Variants in TANGO6 observed in about 807,000 individuals in gnomAD.
The protein encoded by TANGO6 is transport and Golgi organization protein 6 homolog.
TANGO6 carries 90 observed loss-of-function variants against 114.2 expected under a neutral mutation model. That is an observed-to-expected ratio of 0.79 (90% CI 0.66 to 0.94). TANGO6 has a LOEUF of 0.94. Among genes scored for constraint, TANGO6 ranks in the 40% least tolerant of loss-of-function variants. TANGO6 has a pLI of 0.00. For missense variants in TANGO6, 1,274 were observed against 1,315.3 expected, an observed-to-expected ratio of 0.97 and a Z score of 0.49; for synonymous variants, 477 against 509.8, an observed-to-expected ratio of 0.94 and a Z score of 0.87.
chr16:69,017,029 G>A (rs190900667), intron 15 of TANGO6, among the ~76,000 whole-genome samples: 11 of 152,274 alleles, frequency 7.2e-5, no homozygotes, highest in Admixed American at 7.2e-4. Flanking sequence ...ATCCTGTGTG[G>A]AAGTAAACGA....
chr16:69,061,346 C>G (rs550910714), intron 17 of TANGO6, among the ~76,000 whole-genome samples: 1 of 152,008 alleles, frequency 6.6e-6, no homozygotes, highest in African/African-American at 2.4e-5. Context: ...AGGTGGATCA[C>G]CTGAGGGTCA....
At chr16:69,032,093 G>A (rs928297372) in intron 16 of TANGO6, among the ~76,000 whole-genome samples, 2 of 152,072 alleles carry the variant, frequency 1.3e-5, no homozygotes, top group African/African-American at 4.8e-5. Context: ...ACGTGCTGGA[G>A]AACAGTAAGG....
chr16:68,963,436 C>G (rs1963614434), intron 14 of TANGO6, among the ~76,000 whole-genome samples: 1 of 152,164 alleles, frequency 6.6e-6, no homozygotes, highest in South Asian at 2.1e-4. Context: ...ACTTTTTACA[C>G]CCTAGTTCCA....
chr16:68,949,397 G>C (rs894422496), intron 14 of TANGO6, among the ~76,000 whole-genome samples: 9 of 152,104 alleles, frequency 5.9e-5, no homozygotes, highest in Admixed American at 2.0e-4. Flanking sequence ...GAGGCAGGCA[G>C]ATCACTAGAG....
intron 15 of TANGO6, among the ~76,000 whole-genome samples, chr16:68,990,984 G>A (rs923343383): frequency 2.6e-5 from 4 of 152,142 alleles, no homozygotes; most frequent in African/African-American, 9.7e-5. Context: ...AGAGATGATG[G>A]TAGATCTCGA....
intron 14 of TANGO6, among the ~76,000 whole-genome samples, chr16:68,960,741 C>T (rs1422693411): frequency 6.6e-6 from 1 of 152,102 alleles, no homozygotes; most frequent in Non-Finnish European, 1.5e-5. Context: ...TCAAGTGATC[C>T]ACCCACCTCA....
chr16:68,922,928 G>A (rs888925746), intron 12 of TANGO6, among the ~76,000 whole-genome samples: 4 of 142,038 alleles, frequency 2.8e-5, no homozygotes, highest in Admixed American at 2.1e-4. Context: ...ACTCTACACT[G>A]CTTAGGTCAT....
intron 14 of TANGO6, among the ~76,000 whole-genome samples, chr16:68,966,667 T>G (rs1298934224): frequency 6.6e-5 from 10 of 152,118 alleles, no homozygotes; most frequent in Admixed American, 6.5e-5. Flanking sequence ...TGTGGTGGTG[T>G]TGTGCTAGCT....
chr16:68,847,206 A>G (rs796936488), intron 1 of TANGO6, among the ~76,000 whole-genome samples: 14 of 152,232 alleles, frequency 9.2e-5, no homozygotes, highest in African/African-American at 3.4e-4. Flanking sequence ...GTAATATATT[A>G]AAGATTTGTT....
Position 69,075,919 on chromosome 16 carries a change from C to T in TANGO6, c.3109-7566C>T, listed in dbSNP as rs76437612. On this transcript the variant is annotated intron_variant, in intron 17 of 17. Coordinates refer to ENST00000261778, the MANE Select transcript of TANGO6 (RefSeq NM_024562.2). ...AGCTGGGACTACAGGCGTGCACCAC[C>T]GTGCCCAGCTACTTTTTTGTATTTT... 6.5e-3 allele frequency among the ~76,000 whole-genome samples: 989 copies of T among 151,686 alleles called. 7 individuals are homozygous for T. The highest frequency in any genetic ancestry group is 0.02 in the African/African-American group (827 of 41,364).
At chr16:68,882,392 G>A (rs952640103) in intron 7 of TANGO6, among the ~76,000 whole-genome samples, 1 of 151,996 alleles carries the variant, frequency 6.6e-6, no homozygotes, top group African/African-American at 2.4e-5. Flanking sequence ...AGCTACTCGG[G>A]AGGCTGAAAC....
intron 4 of TANGO6, among the ~76,000 whole-genome samples, chr16:68,869,736 T>A (rs1400124374): frequency 6.6e-6 from 1 of 152,208 alleles, no homozygotes; most frequent in African/African-American, 2.4e-5. Context: ...TGGCTTTTTT[T>A]ATGGAAATGG....
intron 11 of TANGO6, among the ~76,000 whole-genome samples, chr16:68,913,035 G>A (rs188620029): frequency 2.0e-5 from 3 of 149,992 alleles, no homozygotes; most frequent in Non-Finnish European, 4.4e-5. Context: ...AGCCGAGATT[G>A]CGCCACTGCA....
chr16:68,893,161 C>G (rs1048527023), intron 7 of TANGO6, among the ~76,000 whole-genome samples: 21 of 152,040 alleles, frequency 1.4e-4, no homozygotes, highest in Non-Finnish European at 3.1e-4. Context: ...AGTCTCACGT[C>G]TTAATGATTG....
intron 14 of TANGO6, among the ~76,000 whole-genome samples, chr16:68,958,235 G>T (rs1042912038): frequency 6.6e-6 from 1 of 151,772 alleles, no homozygotes; most frequent in Non-Finnish European, 1.5e-5. Flanking sequence ...ACTCGCGCCT[G>T]TAATCCCAGC....
intron 2 of TANGO6, among the ~76,000 whole-genome samples, chr16:68,862,353 C>T (rs1208900554): frequency 2.0e-5 from 3 of 152,152 alleles, no homozygotes; most frequent in Non-Finnish European, 2.9e-5. Context: ...CACACCACCA[C>T]GCCTGACTAA....
At chr16:68,895,107 C>T (rs1245672341) in intron 7 of TANGO6, among the ~76,000 whole-genome samples, 2 of 152,126 alleles carry the variant, frequency 1.3e-5, no homozygotes, top group African/African-American at 4.8e-5. Flanking sequence ...TGAAGACTTT[C>T]TGTATGTTAA....
chr16:68,884,072 G>T (rs1005735357), intron 7 of TANGO6, among the ~76,000 whole-genome samples: 1 of 151,986 alleles, frequency 6.6e-6, no homozygotes, highest in Admixed American at 6.6e-5. Context: ...ACCACGCCGA[G>T]CTAATTTTTG....
intron 1 of TANGO6, among the ~76,000 whole-genome samples, chr16:68,844,303 G>A (rs900291334): frequency 6.6e-6 from 1 of 152,120 alleles, no homozygotes; most frequent in African/African-American, 2.4e-5. Flanking sequence ...TGCGACTGAG[G>A]ACACCCAAGG....
Sources: allele counts gnomAD v4.1 joint callset (sites outside exome capture counted in the v4.1 genomes callset), GRCh38; gene constraint gnomAD v4.1.1; transcripts MANE v1.5; gene names NCBI Gene and HGNC (gene_info 2026-07-23, HGNC 2026-07-21).